Variants in SP6 observed in about 807,000 individuals in gnomAD.
SP6 encodes the protein Sp6 transcription factor, also known as transcription factor Sp6.
A neutral mutation model predicts 23.4 loss-of-function variants in SP6; 10 were observed. That is an observed-to-expected ratio of 0.43 (90% confidence interval 0.26 to 0.72). SP6 has a LOEUF of 0.72. Ranked by LOEUF, SP6 falls within the 30% of genes least tolerant of loss-of-function variation. The probability of loss-of-function intolerance (pLI) is 0.23; values close to 1 mark genes in which losing one functional copy is unlikely to be tolerated. For missense variants in SP6, 482 were observed against 523.8 expected (o/e 0.92, Z 0.78); for synonymous variants, 238 against 238.7 (o/e 1.00, Z 0.03).
chr17:47,875,464 C>T, the SP6 span, among the ~76,000 whole-genome samples: 1 of 152,214 alleles, frequency 6.6e-6, no homozygotes, highest in Admixed American at 6.5e-5. Flanking sequence ...CTCCCGGTGC[C>T]TCCCTCCTCC....
chr17:47,862,565 G>C, the SP6 span, among the ~76,000 whole-genome samples: 3 of 151,756 alleles, frequency 2.0e-5, no homozygotes, highest in Admixed American at 6.6e-5. Flanking sequence ...TTTCTCAAAG[G>C]CTGTGAAAGG....
chr17:47,864,142 C>G, the SP6 span, among the ~76,000 whole-genome samples: 4 of 151,976 alleles, frequency 2.6e-5, no homozygotes, highest in South Asian at 8.3e-4. Context: ...CCACGCCTGG[C>G]CTACACTGGA....
rs1176252269 is a variant in SP6 at position 47,845,142 on chromosome 17, G to C, written c.*2157C>G. On this transcript the variant is annotated 3_prime_UTR_variant, in exon 2 of 2. Transcript: ENST00000536300. Reference sequence around the variant, plus strand: ...TACCTCAGAGCTTGGGGCTTCCATTGGGGGGAGCATCTGTGTCCACCAGCA... The same window carrying C: ...TACCTCAGAGCTTGGGGCTTCCATTCGGGGGAGCATCTGTGTCCACCAGCA... The C allele has an allele frequency of 6.6e-6, 1 of 152,164 alleles. No individual in the cohort carries two copies. The highest frequency in any genetic ancestry group is 1.5e-5 in the Non-Finnish European group (1 of 68,058). 9.4% of individuals were successfully genotyped at this position (152,164 alleles called of 1,614,324 possible). A position where few individuals can be genotyped will look rare whatever the true frequency, so the allele number is the denominator to read the frequency against.
At chr17:47,853,724 G>C (rs1199135483), upstream of SP6, among the ~76,000 whole-genome samples, 1 of 152,108 alleles carries the variant, frequency 6.6e-6, no homozygotes, top group Non-Finnish European at 1.5e-5. Flanking sequence ...TAGCCATCTG[G>C]AATTCCACCA....
the SP6 span, among the ~76,000 whole-genome samples, chr17:47,876,130 TTA>T: frequency 6.6e-6 from 1 of 152,196 alleles, no homozygotes; most frequent in Non-Finnish European, 1.5e-5. Context: ...AATTATCACC[TTA>T]GCAGAAAACA....
At chr17:47,862,459 G>C in the SP6 span, among the ~76,000 whole-genome samples, 1 of 142,866 alleles carries the variant, frequency 7.0e-6, no homozygotes, top group South Asian at 2.2e-4. Flanking sequence ...AGTGAACTGA[G>C]ATCGCAACAC....
upstream of SP6, among the ~76,000 whole-genome samples, chr17:47,856,868 G>A (rs1567963409): frequency 6.6e-6 from 1 of 151,808 alleles, no homozygotes; most frequent in Non-Finnish European, 1.5e-5. Context: ...TCCCTCCCAG[G>A]ATGAGCCAGG....
chr17:47,850,309 A>T (rs1443150578), intron 1 of SP6, among the ~76,000 whole-genome samples: 1 of 152,156 alleles, frequency 6.6e-6, no homozygotes, highest in Admixed American at 6.5e-5. Context: ...TCAGGTTCTA[A>T]GACCAGTCCC....
At chr17:47,850,112 C>T (rs917885875) in intron 1 of SP6, among the ~76,000 whole-genome samples, 3 of 152,174 alleles carry the variant, frequency 2.0e-5, no homozygotes, top group South Asian at 2.1e-4. Context: ...AGGGGCTGAG[C>T]GGGAGCTGTG....
Position 47,847,265 on chromosome 17 carries a change from C to G in SP6, c.*34G>C, listed in dbSNP as rs1032703813. ...CCTGGGGGCTCGCATCCAGTGCCCCCCGGGATACCCGCAGGGAGGCGGCAC... is the reference window on the plus strand; with the variant it reads ...CCTGGGGGCTCGCATCCAGTGCCCCGCGGGATACCCGCAGGGAGGCGGCAC... On this transcript the variant is annotated 3_prime_UTR_variant, in exon 2 of 2. Coordinates refer to ENST00000536300, the MANE Select transcript of SP6 (RefSeq NM_001258248.2). The G allele has an allele frequency of 6.8e-7, 1 of 1,473,508 alleles. No homozygotes were observed. Among genetic ancestry groups the G allele is most frequent in the Non-Finnish European group, 9.0e-7 (1 of 1,110,960 alleles). The allele number at this position is 1,473,508 out of a possible 1,614,324, so 91.3% of individuals were successfully genotyped here. A position where few individuals can be genotyped will look rare whatever the true frequency, so the allele number is the denominator to read the frequency against.
chr17:47,854,641 C>A (rs2033985189), upstream of SP6, among the ~76,000 whole-genome samples: 1 of 152,312 alleles, frequency 6.6e-6, no homozygotes, highest in East Asian at 1.9e-4. Context: ...ATTGCTGAGA[C>A]AAGTCAGACT....
chr17:47,861,981 G>T, the SP6 span, among the ~76,000 whole-genome samples: 1 of 151,404 alleles, frequency 6.6e-6, no homozygotes, highest in South Asian at 2.1e-4. Flanking sequence ...GGAGGTCAAG[G>T]CTGCAGTGAG....
the SP6 span, among the ~76,000 whole-genome samples, chr17:47,862,741 C>T: frequency 2.0e-5 from 3 of 152,210 alleles, no homozygotes; most frequent in African/African-American, 7.2e-5. Flanking sequence ...CCTGGGACAA[C>T]TAGAACCCAG....
At chr17:47,867,070 G>A in the SP6 span, among the ~76,000 whole-genome samples, 1 of 152,152 alleles carries the variant, frequency 6.6e-6, no homozygotes, top group African/African-American at 2.4e-5. Flanking sequence ...CGGCTGGGAC[G>A]TACACACCCA....
At position 47,847,349 on chromosome 17, in the gene SP6, C is replaced by T. The variant is rs867365882; in HGVS notation, c.1081G>A (p.Gly361Arg). The T allele has an allele frequency of 1.2e-6, 2 of 1,600,152 alleles. No homozygotes were observed. The highest frequency in any genetic ancestry group is 2.3e-5 in the East Asian group (1 of 44,346). ...TCGGCCTCGCGTTTGCCTTTGCCCC[C>T]GGGGGGCTCCACTGCGCCGCCGGCC... is the stretch of plus-strand genomic sequence containing the variant. ...GKAGGAVEPP[G>R]GKGKREAEGS... The change falls in exon 2 of 2, where the codon GGG becomes AGG. Residue 361 changes from glycine to arginine, a missense_variant. Gly to Arg is a moderately radical substitution (Grantham distance 125). Coordinates refer to ENST00000536300, the MANE Select transcript of SP6 (RefSeq NM_001258248.2).
upstream of SP6, among the ~76,000 whole-genome samples, chr17:47,860,099 T>A (rs1193785973): frequency 5.9e-5 from 9 of 152,108 alleles, no homozygotes; most frequent in Admixed American, 5.9e-4. Context: ...CCATTCCCCA[T>A]CTGGCCTCAG....
In SP6 at chr17:47,847,708, G is replaced by T. The variant is rs143988077; in HGVS notation, c.722C>A (p.Ala241Asp). Reference protein sequence around the residue: ...PNCLEAERLGAPCGPDGGKKK... With the variant: ...PNCLEAERLGDPCGPDGGKKK... ...CTTGCCCCCATCGGGCCCACATGGA[G>T]CCCCCAGTCGCTCCGCCTCCAGACA... is the stretch of plus-strand genomic sequence containing the variant. Residue 241 changes from alanine to aspartate, a missense_variant, in exon 2 of 2, where the codon GCT becomes GAT. By Grantham distance (126) the Ala-to-Asp change is moderately radical. This residue lies in a region of SP6 where 330 missense variants were observed against 332.3 expected (regional missense o/e 0.99). Transcript: ENST00000536300. 1.9e-6 allele frequency: 3 copies of T among 1,601,894 alleles called. No individual in the cohort carries two copies. The highest frequency in any genetic ancestry group is 4.5e-5 in the East Asian group (2 of 44,726).
chr17:47,865,514 T>C, the SP6 span, among the ~76,000 whole-genome samples: 1 of 150,872 alleles, frequency 6.6e-6, no homozygotes, highest in African/African-American at 2.4e-5. Context: ...AGGCTCCACC[T>C]CCCCCCTCAG....
At chr17:47,857,374 C>A (rs1200504039), upstream of SP6, among the ~76,000 whole-genome samples, 1 of 152,190 alleles carries the variant, frequency 6.6e-6, no homozygotes, top group Non-Finnish European at 1.5e-5. Context: ...CCAAAGGATG[C>A]CTCCAAATTA....
Sources: allele counts gnomAD v4.1 joint callset (sites outside exome capture counted in the v4.1 genomes callset), GRCh38; gene constraint gnomAD v4.1.1; regional missense constraint gnomAD v4.1.1; transcripts MANE v1.5; gene names NCBI Gene and HGNC (gene_info 2026-07-23, HGNC 2026-07-21).